The following NBEA variants were observed in gnomAD, a reference collection of about 807,000 sequenced individuals.
NBEA encodes neurobeachin, also known as lysosomal-trafficking regulator 2.
Under a neutral mutation model 343.4 loss-of-function variants are expected in NBEA, and 44 were observed. The observed-to-expected ratio is 0.13, with a 90% CI of 0.10 to 0.16. The LOEUF is 0.16. Among genes scored for constraint, NBEA ranks in the 10% least tolerant of loss-of-function variants. The probability of loss-of-function intolerance (pLI) is 1.00; values close to 1 mark genes in which losing one functional copy is unlikely to be tolerated. For synonymous variants in NBEA, 1,175 were observed against 1,238.7 expected (o/e 0.95, Z 1.08); for missense variants, 2,555 against 3,631.3 (o/e 0.70, Z 7.62).
chr13:35,582,341 C>T (rs1228917118), intron 45 of NBEA, among the ~76,000 whole-genome samples: 4 of 151,872 alleles, frequency 2.6e-5, no homozygotes, highest in Non-Finnish European at 4.4e-5. Context: ...ACTTCAATTC[C>T]GTAACAGACC....
chr13:35,416,728 G>C (rs1172649885), intron 38 of NBEA, among the ~76,000 whole-genome samples: 1 of 152,130 alleles, frequency 6.6e-6, no homozygotes, highest in Non-Finnish European at 1.5e-5. Context: ...CCAGGCTTTA[G>C]TATCAGGATG....
intron 17 of NBEA, among the ~76,000 whole-genome samples, chr13:35,137,700 G>A (rs1046800612): frequency 1.3e-5 from 2 of 151,396 alleles, no homozygotes; most frequent in Non-Finnish European, 2.9e-5. Context: ...TATTTATTGT[G>A]TTACTTTTGG....
chr13:35,224,899 G>C (rs2184914), intron 33 of NBEA, among the ~76,000 whole-genome samples: 146,500 of 152,222 alleles, frequency 0.96, 70,754 homozygotes, highest in East Asian at 1. Flanking sequence ...TTATGCTAAG[G>C]CTTTTGTGAG....
chr13:35,405,912 G>A (rs1271862131), intron 38 of NBEA, among the ~76,000 whole-genome samples: 1 of 152,104 alleles, frequency 6.6e-6, no homozygotes, highest in African/African-American at 2.4e-5. Context: ...TAAGATTAAA[G>A]TAATTATCTT....
At chr13:35,376,949 T>A (rs576554897) in intron 38 of NBEA, among the ~76,000 whole-genome samples, 1 of 152,246 alleles carries the variant, frequency 6.6e-6, no homozygotes, top group South Asian at 2.1e-4. Context: ...TTTTCAGACC[T>A]CCTTCCATAC....
intron 41 of NBEA, among the ~76,000 whole-genome samples, chr13:35,479,193 T>A (rs1284016998): frequency 2.6e-5 from 4 of 152,172 alleles, no homozygotes; most frequent in Non-Finnish European, 5.9e-5. Flanking sequence ...CAGGACTGTG[T>A]TTTCTAAGCT....
Position 35,155,811 on chromosome 13 carries a change from A to G in NBEA, c.2483A>G (p.Lys828Arg), listed in dbSNP as rs1252791495. 1 of 1,612,698 alleles carries G rather than the reference A, an allele frequency of 6.2e-7. No individual in the cohort carries two copies. The highest frequency in any genetic ancestry group is 1.7e-5 in the Admixed American group (1 of 60,012). The change falls in exon 19 of 59, where the codon AAA becomes AGA. Residue 828 changes from lysine to arginine, a missense_variant. Lys to Arg is a conservative substitution (Grantham distance 26, BLOSUM62 2). This residue lies in a region of NBEA where 360 missense variants were observed against 519.1 expected (regional missense o/e 0.69). Transcript: ENST00000379939. ...TEQVCTQVVH[K>R]PHPEPDSTVK... is the part of the protein sequence containing the mutation. ...CAAGTATGTACTCAGGTCGTACACA[A>G]ACCACATCCAGAGCCAGATTCTACA...
intron 40 of NBEA, among the ~76,000 whole-genome samples, chr13:35,458,644 C>G (rs1461972): frequency 0.96 from 145,409 of 152,212 alleles, 69,795 homozygotes; most frequent in East Asian, 1. Flanking sequence ...TTTGGTATAA[C>G]TTAATTATAC....
intron 41 of NBEA, among the ~76,000 whole-genome samples, chr13:35,501,754 A>G (rs929201989): frequency 6.6e-6 from 1 of 152,124 alleles, no homozygotes; most frequent in African/African-American, 2.4e-5. Flanking sequence ...TCTGTAAAGC[A>G]TTTGATGATG....
chr13:35,152,441 C>T (rs907998591), intron 18 of NBEA, among the ~76,000 whole-genome samples: 1 of 152,080 alleles, frequency 6.6e-6, no homozygotes, highest in Non-Finnish European at 1.5e-5. Context: ...CAGTTAGATG[C>T]AACAGCAGGG....
In NBEA at chr13:35,151,273, G is replaced by T. The variant is rs571887978; in HGVS notation, c.2446-4501G>T. Among the ~76,000 whole-genome samples the T allele has an allele frequency of 2.4e-4, 36 of 152,076 alleles. No individual in the cohort carries two copies. The South Asian group carries it at 7.3e-3, about 31-fold the overall frequency. ...AATTTGAAGTCACAGGCCGGGCTCG[G>T]TGGCTCACGCCTATAATCCCAGCAC... On this transcript the variant is annotated intron_variant, in intron 18 of 58. Coordinates refer to ENST00000379939, the MANE Select transcript of NBEA (RefSeq NM_001385012.1).
chr13:35,036,397 C>T (rs1191462655), intron 1 of NBEA, among the ~76,000 whole-genome samples: 1 of 152,018 alleles, frequency 6.6e-6, no homozygotes, highest in African/African-American at 2.4e-5. Context: ...CTTGGTTCAT[C>T]ATTTAGTCTT....
Position 35,047,802 on chromosome 13 carries a change from A to G in NBEA, c.724-761A>G, listed in dbSNP as rs1385812769. On this transcript the variant is annotated intron_variant, in intron 4 of 58. Coordinates refer to ENST00000379939, the MANE Select transcript of NBEA (RefSeq NM_001385012.1). ...AGAAAGGCCATTATCAGCAACATGA[A>G]AGATCTATTTGAGGATATCTTTTAT... Among the ~76,000 whole-genome samples the G allele has an allele frequency of 1.3e-4, 19 of 150,672 alleles. No homozygotes were observed. In the Admixed American group the frequency reaches 1.3e-3, roughly 10 times the overall value.
At chr13:35,338,103 G>GA (rs1227476720) in intron 36 of NBEA, among the ~76,000 whole-genome samples, 1 of 151,054 alleles carries the variant, frequency 6.6e-6, no homozygotes, top group East Asian at 1.9e-4. Flanking sequence ...GCTGAAGAAG[G>GA]AAAAAATAGC....
chr13:35,108,740 A>G (rs967511292), intron 11 of NBEA, among the ~76,000 whole-genome samples: 3 of 152,044 alleles, frequency 2.0e-5, no homozygotes, highest in African/African-American at 4.8e-5. Context: ...ACCATTGGTA[A>G]TAGGTACATG....
chr13:35,049,737 T>C (rs950818436), intron 5 of NBEA, among the ~76,000 whole-genome samples: 1 of 151,912 alleles, frequency 6.6e-6, no homozygotes, highest in African/African-American at 2.4e-5. Context: ...AATGCTCTTG[T>C]AGAAGAAAAC....
intron 38 of NBEA, among the ~76,000 whole-genome samples, chr13:35,354,833 C>G (rs1229013180): frequency 4.6e-5 from 7 of 152,102 alleles, no homozygotes; most frequent in Non-Finnish European, 1.5e-5. Flanking sequence ...ATTTATTATT[C>G]CAAGTCCAGA....
intron 42 of NBEA, 62 bp from the exon 43 acceptor site, chr13:35,550,867 TA>T: frequency 1.9e-6 from 2 of 1,030,974 alleles, no homozygotes; most frequent in Non-Finnish European, 2.9e-6. Context: ...AGATGACTTG[TA>T]AAATTGATGG....
Position 35,139,745 on chromosome 13 carries a change from T to G in NBEA, c.2337-2524T>G, listed in dbSNP as rs12868145. Among the ~76,000 whole-genome samples, 4 of 47,238 alleles carry G rather than the reference T, an allele frequency of 8.5e-5. No individual in the cohort carries two copies. The Admixed American group carries it at 1.0e-3, about 12-fold the overall frequency. The allele number at this position is 47,238 out of a possible 152,430, so 31.0% of individuals were successfully genotyped here. On this transcript the variant is annotated intron_variant, in intron 17 of 58. Coordinates refer to ENST00000379939, the MANE Select transcript of NBEA (RefSeq NM_001385012.1). The stretch of plus-strand genomic sequence containing the variant: ...TTCCTGCCTAAGATGATGGATGGCG[T>G]TTTTTTTTTTTTTTTTTTTTTTTTT...
Sources: gnomAD v4.1 joint callset for allele counts (sites outside exome capture counted in the v4.1 genomes callset) on GRCh38, gnomAD v4.1.1 for gene constraint, gnomAD v4.1.1 regional missense constraint, MANE v1.5 for transcripts, NCBI Gene and HGNC (gene_info 2026-07-23, HGNC 2026-07-21) for gene names.